The following SNTG2 variants were observed in gnomAD, a reference collection of about 807,000 sequenced individuals.
SNTG2 encodes the protein syntrophin gamma 2, also known as gamma-2-syntrophin.
In SNTG2, 74 loss-of-function variants were observed where a neutral mutation model predicts 70.9. That is an observed-to-expected ratio of 1.04 (90% CI 0.86 to 1.27). The LOEUF (loss-of-function observed/expected upper bound fraction) is 1.27, where lower values mean the gene tolerates loss of function less well. Among genes scored for constraint, SNTG2 ranks in the 50% most tolerant of loss-of-function variants. The pLI, the probability that SNTG2 is intolerant of heterozygous loss-of-function variation, is 0.00. For missense variants in SNTG2, 717 were observed against 690.7 expected (o/e 1.04, Z -0.43); for synonymous variants, 278 against 273.8 (o/e 1.02, Z -0.15).
chr2:1,009,024 C>T (rs1558307809), intron 1 of SNTG2, among the ~76,000 whole-genome samples: 1 of 148,834 alleles, frequency 6.7e-6, no homozygotes, highest in African/African-American at 2.5e-5. Context: ...AGAAATGCAC[C>T]TTTTTTTAGA....
At chr2:1,152,565 T>C (rs1329688755) in intron 6 of SNTG2, among the ~76,000 whole-genome samples, 1 of 71,208 alleles carries the variant, frequency 1.4e-5, no homozygotes, top group East Asian at 4.5e-4. Context: ...TTTCTAGGTG[T>C]GCACATGTGC....
intron 15 of SNTG2, among the ~76,000 whole-genome samples, chr2:1,309,605 T>A (rs1438448657): frequency 6.6e-6 from 1 of 152,082 alleles, no homozygotes; most frequent in Non-Finnish European, 1.5e-5. Context: ...ACACAGGGCA[T>A]CTCCAGGGCC....
chr2:1,122,750 G>A (rs28834390), intron 4 of SNTG2, among the ~76,000 whole-genome samples: 70,938 of 145,714 alleles, frequency 0.49, 18,190 homozygotes, highest in East Asian at 0.67. Context: ...AAAGGCATCC[G>A]AATAAGAAAG....
chr2:1,181,935 C>G (rs1050059337), intron 8 of SNTG2, among the ~76,000 whole-genome samples: 1 of 152,168 alleles, frequency 6.6e-6, no homozygotes, highest in Non-Finnish European at 1.5e-5. Flanking sequence ...ACATTAATAT[C>G]ATGCGTTTAG....
intron 9 of SNTG2, among the ~76,000 whole-genome samples, chr2:1,225,549 T>C (rs923804450): frequency 2.0e-5 from 3 of 152,280 alleles, no homozygotes; most frequent in Admixed American, 2.0e-4. Context: ...CGGCTTTTAC[T>C]GCTTTTGTGG....
chr2:1,120,083 A>G (rs1667287309), intron 4 of SNTG2, among the ~76,000 whole-genome samples: 1 of 152,314 alleles, frequency 6.6e-6, no homozygotes, highest in Non-Finnish European at 1.5e-5. Flanking sequence ...CTTATCTACC[A>G]ATAATCACCT....
chr2:1,062,346 A>G (rs1432194731), intron 1 of SNTG2, among the ~76,000 whole-genome samples: 1 of 152,226 alleles, frequency 6.6e-6, no homozygotes, highest in Non-Finnish European at 1.5e-5. Context: ...TAGGGTTCAG[A>G]ATCCTGGCAA....
intron 14 of SNTG2, among the ~76,000 whole-genome samples, chr2:1,279,091 T>TGCGCGAATCACCCCTGTCAGC (rs1242889116): frequency 1.2e-4 from 12 of 100,952 alleles, no homozygotes; most frequent in African/African-American, 2.3e-4. Context: ...CCTCTGTCAG[T>TGCGCGAATCACCCCTGTCAGC]GCGCGAATCA....
intron 2 of SNTG2, among the ~76,000 whole-genome samples, chr2:1,092,187 T>C (rs1558389158): frequency 6.6e-6 from 1 of 152,184 alleles, no homozygotes; most frequent in Non-Finnish European, 1.5e-5. Context: ...AATAGAATAC[T>C]TCAGAATTGT....
chr2:1,292,057 GC>G (rs1176232192), intron 14 of SNTG2, among the ~76,000 whole-genome samples: 1 of 151,996 alleles, frequency 6.6e-6, no homozygotes, highest in Non-Finnish European at 1.5e-5. Context: ...TGCTTCCTTG[GC>G]TTAGTTAATT....
chr2:1,272,441 A>G (rs1033530596), intron 14 of SNTG2, among the ~76,000 whole-genome samples: 3 of 146,626 alleles, frequency 2.0e-5, no homozygotes, highest in African/African-American at 5.1e-5. Context: ...CCAGTTCCTA[A>G]CAGGCCACAG....
chr2:1,029,234 T>A (rs1660677835), intron 1 of SNTG2, among the ~76,000 whole-genome samples: 1 of 152,214 alleles, frequency 6.6e-6, no homozygotes, highest in Admixed American at 6.5e-5. Context: ...TATAGGAGGC[T>A]AGTTTGATTT....
intron 1 of SNTG2, among the ~76,000 whole-genome samples, chr2:987,881 C>T (rs913054462): frequency 4.6e-5 from 7 of 152,126 alleles, no homozygotes; most frequent in Admixed American, 1.3e-4. Flanking sequence ...TTGCCCATCA[C>T]CAGCGCTCTC....
intron 1 of SNTG2, among the ~76,000 whole-genome samples, chr2:961,530 A>G (rs1660351034): frequency 6.6e-6 from 1 of 152,214 alleles, no homozygotes; most frequent in Non-Finnish European, 1.5e-5. Context: ...CTTACTCAGA[A>G]TGGTAGGATT....
chr2:1,223,997 G>T (rs1675573340), intron 9 of SNTG2, among the ~76,000 whole-genome samples: 1 of 149,656 alleles, frequency 6.7e-6, no homozygotes, highest in South Asian at 2.1e-4. Flanking sequence ...GGCTGCAAGT[G>T]CAGGGTCAGG....
At chr2:1,141,334 A>G (rs1244072381) in intron 6 of SNTG2, among the ~76,000 whole-genome samples, 1 of 152,248 alleles carries the variant, frequency 6.6e-6, no homozygotes, top group African/African-American at 2.4e-5. Context: ...CGGTGCCGGA[A>G]CACAAAGTAT....
chr2:1,159,955 G>C (rs763159973), intron 6 of SNTG2, among the ~76,000 whole-genome samples: 1 of 152,172 alleles, frequency 6.6e-6, no homozygotes, highest in Non-Finnish European at 1.5e-5. Context: ...AGTAGTTACA[G>C]AACATTTGTA....
chr2:1,350,421 C>A lies in SNTG2; in HGVS notation c.1489-16922C>A, dbSNP rs1361757105. 3.9e-5 allele frequency among the ~76,000 whole-genome samples: 6 copies of A among 152,228 alleles called. No homozygotes were observed. The East Asian group carries it at 1.2e-3, about 29-fold the overall frequency. On this transcript the variant is annotated intron_variant, in intron 16 of 16. Coordinates refer to ENST00000308624, the MANE Select transcript of SNTG2 (RefSeq NM_018968.4). Reference sequence around the variant, plus strand: ...GCCCCGATACACGTGCAAATGTGTTCTCTGCCTCTTAGAAAAGCTACCAGA... The same window carrying A: ...GCCCCGATACACGTGCAAATGTGTTATCTGCCTCTTAGAAAAGCTACCAGA...
At chr2:1,281,233 G>GTATGTGGT (rs1558175704) in intron 14 of SNTG2, among the ~76,000 whole-genome samples, 9 of 4,286 alleles carry the variant, frequency 2.1e-3, no homozygotes, top group African/African-American at 4.5e-3. Context: ...GTGTTTATGT[G>GTATGTGGT]GTGTGGTGTG....
Sources: gnomAD v4.1 joint callset for allele counts (sites outside exome capture counted in the v4.1 genomes callset) on GRCh38, gnomAD v4.1.1 for gene constraint, MANE v1.5 for transcripts, NCBI Gene and HGNC (gene_info 2026-07-23, HGNC 2026-07-21) for gene names.